XKR6: variants seen among roughly 807,000 people sequenced by gnomAD.
XKR6 encodes the protein XK-related protein 6.
Under a neutral mutation model 56.7 loss-of-function variants are expected in XKR6, and 22 were observed. That is an observed-to-expected ratio of 0.39 (90% CI 0.28 to 0.55). The LOEUF is 0.55. Ranked by LOEUF, XKR6 falls within the 20% of genes least tolerant of loss-of-function variation. XKR6 has a pLI of 0.66. For missense variants in XKR6, 852 were observed against 889.0 expected (o/e 0.96, Z 0.53); for synonymous variants, 524 against 387.8 (o/e 1.35, Z -4.13).
intron 1 of XKR6, among the ~76,000 whole-genome samples, chr8:11,130,921 G>T (rs1008087984): frequency 6.6e-6 from 1 of 152,028 alleles, no homozygotes; most frequent in Non-Finnish European, 1.5e-5. Flanking sequence ...TCCCCAAATA[G>T]TAGATTTTAT....
At chr8:10,949,422 A>G (rs1038002293) in intron 1 of XKR6, among the ~76,000 whole-genome samples, 1 of 152,166 alleles carries the variant, frequency 6.6e-6, no homozygotes. Flanking sequence ...CTTGGGCAGG[A>G]TGCAGAGCAG....
chr8:11,135,377 C>G (rs1800335298), intron 1 of XKR6, among the ~76,000 whole-genome samples: 1 of 152,062 alleles, frequency 6.6e-6, no homozygotes, highest in Admixed American at 6.6e-5. Context: ...TTTCTGCCAC[C>G]CTGTAATTTA....
At chr8:11,008,418 CTTTTTTTTTTT>C (rs35571220) in intron 1 of XKR6, among the ~76,000 whole-genome samples, 12 of 104,152 alleles carry the variant, frequency 1.2e-4, no homozygotes, top group Admixed American at 1.0e-3. Context: ...GCTCCCCAGG[CTTTTTTTTTTT>C]TTTTTTTTTT....
chr8:10,911,325 A>G (rs1022351725), intron 2 of XKR6, among the ~76,000 whole-genome samples: 2 of 117,828 alleles, frequency 1.7e-5, no homozygotes, highest in Non-Finnish European at 3.4e-5. Context: ...GGGTGAGTAT[A>G]TATATATATA....
At chr8:11,111,727 A>G (rs1235825110) in intron 1 of XKR6, 1 of 152,230 alleles carries the variant, frequency 6.6e-6, no homozygotes, top group Non-Finnish European at 1.5e-5. Flanking sequence ...GAAGTACATC[A>G]TAATTATCTG....
intron 1 of XKR6, among the ~76,000 whole-genome samples, chr8:11,094,815 T>G (rs1798215381): frequency 6.6e-6 from 1 of 152,198 alleles, no homozygotes; most frequent in African/African-American, 2.4e-5. Context: ...AGCCCAGGCC[T>G]GCCTGCACCT....
chr8:11,016,465 C>T (rs1798625669), intron 1 of XKR6, among the ~76,000 whole-genome samples: 1 of 152,192 alleles, frequency 6.6e-6, no homozygotes, highest in African/African-American at 2.4e-5. Flanking sequence ...GAGGCGCAGA[C>T]AACAAGCTAG....
At chr8:11,116,528 A>C (rs1295526446) in intron 1 of XKR6, among the ~76,000 whole-genome samples, 6 of 151,980 alleles carry the variant, frequency 3.9e-5, no homozygotes, top group African/African-American at 1.4e-4. Flanking sequence ...CCATCGCCAC[A>C]CCTGGCTAAT....
intron 1 of XKR6, among the ~76,000 whole-genome samples, chr8:11,115,017 T>A (rs538413180): frequency 1.1e-4 from 17 of 152,308 alleles, no homozygotes; most frequent in African/African-American, 4.1e-4. Context: ...TCAGTGAGTC[T>A]GGAGTCGTCA....
intron 1 of XKR6, among the ~76,000 whole-genome samples, chr8:11,036,859 T>A (rs60680986): frequency 6.6e-6 from 1 of 152,208 alleles, no homozygotes; most frequent in African/African-American, 2.4e-5. Context: ...GGTGGCTGCG[T>A]GTGTTATTCT....
chr8:10,961,664 T>C (rs1468534349), intron 1 of XKR6, among the ~76,000 whole-genome samples: 2 of 152,234 alleles, frequency 1.3e-5, no homozygotes, highest in Non-Finnish European at 1.5e-5. Context: ...GGCAACACTG[T>C]GCACGGTCTG....
intron 1 of XKR6, among the ~76,000 whole-genome samples, chr8:11,179,456 G>C (rs1017037537): frequency 1.3e-5 from 2 of 152,152 alleles, no homozygotes; most frequent in Non-Finnish European, 2.9e-5. Flanking sequence ...GTTGGCTGAG[G>C]CTATTCTCAA....
chr8:11,137,761 G>A (rs559231532), intron 1 of XKR6: 20 of 451,368 alleles, frequency 4.4e-5, no homozygotes, highest in African/African-American at 1.0e-4. Flanking sequence ...ATCCTGCTCC[G>A]GTCCTCTTTC....
intron 2 of XKR6, among the ~76,000 whole-genome samples, chr8:10,918,211 G>T (rs1477504924): frequency 6.6e-6 from 1 of 152,214 alleles, no homozygotes; most frequent in Non-Finnish European, 1.5e-5. Flanking sequence ...GAGGGTCCTT[G>T]TCCTAGACCC....
chr8:11,013,505 T>A (rs1798546222), intron 1 of XKR6, among the ~76,000 whole-genome samples: 1 of 152,206 alleles, frequency 6.6e-6, no homozygotes. Context: ...CAGAGGTGGG[T>A]TCCAGATGGC....
chr8:11,145,805 C>A (rs1800951522), intron 1 of XKR6, among the ~76,000 whole-genome samples: 1 of 151,572 alleles, frequency 6.6e-6, no homozygotes, highest in African/African-American at 2.4e-5. Flanking sequence ...TCAACACGAT[C>A]AAAATCCTAG....
At chr8:11,143,312 T>C (rs923861623) in intron 1 of XKR6, among the ~76,000 whole-genome samples, 2 of 152,190 alleles carry the variant, frequency 1.3e-5, no homozygotes, top group African/African-American at 4.8e-5. Flanking sequence ...AAGTCCAGCC[T>C]GGGTGACATG....
chr8:11,055,179 T>C (rs899072903), intron 1 of XKR6, among the ~76,000 whole-genome samples: 27 of 152,106 alleles, frequency 1.8e-4, no homozygotes, highest in African/African-American at 5.3e-4. Flanking sequence ...GTGAGAGAGA[T>C]TGGGCTCAAC....
intron 2 of XKR6, among the ~76,000 whole-genome samples, chr8:10,906,665 G>A (rs1288653460): frequency 1.3e-5 from 2 of 152,154 alleles, no homozygotes; most frequent in African/African-American, 2.4e-5. Flanking sequence ...ACTTGAAGAG[G>A]GTGTGATCCA....
Sources: gnomAD v4.1 joint callset for allele counts (sites outside exome capture counted in the v4.1 genomes callset) on GRCh38, gnomAD v4.1.1 for gene constraint, MANE v1.5 for transcripts, NCBI Gene and HGNC (gene_info 2026-07-23, HGNC 2026-07-21) for gene names.